PRSS55: variants seen among roughly 807,000 people sequenced by gnomAD.
The protein encoded by PRSS55 is probable serine protease UNQ9391/PRO34284.
In PRSS55, 41 loss-of-function variants were observed where a neutral mutation model predicts 23.6. The observed-to-expected ratio is 1.74, with a 90% CI of 1.35 to 2.26. The LOEUF (loss-of-function observed/expected upper bound fraction) is 2.26, where lower values mean the gene tolerates loss of function less well. Ranked by LOEUF, PRSS55 falls within the 30% of genes most tolerant of loss-of-function variation. The probability of loss-of-function intolerance (pLI) is 0.00; values close to 1 mark genes in which losing one functional copy is unlikely to be tolerated. For missense variants in PRSS55, 669 were observed against 439.1 expected (o/e 1.52, Z -4.68); for synonymous variants, 262 against 175.5 (o/e 1.49, Z -3.90).
At chr8:10,526,698 C>T (rs1025395441) in intron 1 of PRSS55, among the ~76,000 whole-genome samples, 3 of 152,210 alleles carry the variant, frequency 2.0e-5, no homozygotes, top group Admixed American at 6.5e-5. Context: ...GGATGGATCC[C>T]ATTGATGCAA....
chr8:10,538,401 T>A, intron 4 of PRSS55, 75 bp from the exon 5 acceptor site: 1 of 1,175,956 alleles, frequency 8.5e-7, no homozygotes, highest in Non-Finnish European at 1.2e-6. Context: ...GAATCTTCCA[T>A]GAATGAGCTG....
intron 4 of PRSS55, among the ~76,000 whole-genome samples, chr8:10,544,373 C>T (rs150049874): frequency 2.6e-3 from 388 of 151,514 alleles, no homozygotes; most frequent in Non-Finnish European, 4.0e-3. Context: ...CATAGTTTAT[C>T]TGTTTCTTTT....
intron 4 of PRSS55, among the ~76,000 whole-genome samples, chr8:10,546,509 C>A (rs4566993): frequency 6.6e-6 from 1 of 152,024 alleles, no homozygotes; most frequent in African/African-American, 2.4e-5. Flanking sequence ...ATCCAGCATC[C>A]GAAAACTGAC....
rs771753705 is a variant in PRSS55 at position 10,531,451 on chromosome 8, CGAT to C, written c.507_509del (p.Asp170del). 2 of 1,614,178 alleles carry C rather than the reference CGAT, an allele frequency of 1.2e-6. No homozygotes were observed. Among genetic ancestry groups the C allele is most frequent in the South Asian group, 2.2e-5 (2 of 91,092 alleles). On this transcript the variant is annotated inframe_deletion, in exon 3 of 5. Transcript: ENST00000328655. ...TGCTGCTGGCTTCGCCCATCAAGCTCGATGACCTGAAGGTGCCCATCTGCCTCC... is the reference window on the plus strand; with the variant it reads ...TGCTGCTGGCTTCGCCCATCAAGCTCGACCTGAAGGTGCCCATCTGCCTCC...
At chr8:10,540,480 G>A (rs1368356490), downstream of PRSS55, 2 of 152,284 alleles carry the variant, frequency 1.3e-5, no homozygotes, top group African/African-American at 2.4e-5. Flanking sequence ...GGGAGGCTGA[G>A]ATGGGTGGAT....
At chr8:10,528,578 G>C (rs1812121039) in intron 1 of PRSS55, among the ~76,000 whole-genome samples, 1 of 152,210 alleles carries the variant, frequency 6.6e-6, no homozygotes, top group Non-Finnish European at 1.5e-5. Flanking sequence ...TTTGCTCTCA[G>C]TCCCCTAAGT....
chr8:10,528,934 T>C (rs1408625334), intron 1 of PRSS55, among the ~76,000 whole-genome samples: 1 of 152,172 alleles, frequency 6.6e-6, no homozygotes, highest in Non-Finnish European at 1.5e-5. Flanking sequence ...TCCTCTGCAG[T>C]CACTTCTCCC....
At chr8:10,530,912 C>G (rs916997857) in intron 2 of PRSS55, among the ~76,000 whole-genome samples, 4 of 152,068 alleles carry the variant, frequency 2.6e-5, no homozygotes, top group African/African-American at 9.7e-5. Context: ...CCAGTTGATA[C>G]AAAACAGATA....
chr8:10,543,159 G>A (rs1221738447), downstream of PRSS55, among the ~76,000 whole-genome samples: 1 of 152,048 alleles, frequency 6.6e-6, no homozygotes, highest in African/African-American at 2.4e-5. Context: ...ATGGCCCTAA[G>A]AACCAAGCTT....
chr8:10,531,155 C>A lies in PRSS55; in HGVS notation c.348-140C>A, dbSNP rs944776071. ...TTTTCCTACCTTTTTCCAATCCTCA[C>A]ACCTTCTGATCAACAGCCCCAGTAG... On this transcript the variant is annotated intron_variant, in intron 2 of 4. Transcript: ENST00000328655. 5.8e-6 allele frequency: 6 copies of A among 1,032,782 alleles called. No individual in the cohort carries two copies. In the African/African-American group the frequency reaches 8.0e-5, roughly 14 times the overall value. 64.0% of individuals were successfully genotyped at this position (1,032,782 alleles called of 1,614,324 possible).
At chr8:10,526,487 T>A (rs1812028118) in intron 1 of PRSS55, among the ~76,000 whole-genome samples, 1 of 152,230 alleles carries the variant, frequency 6.6e-6, no homozygotes, top group Admixed American at 6.5e-5. Context: ...TCCACTGCAC[T>A]CTGTGTGAAC....
In PRSS55 at chr8:10,531,520, G is replaced by C; in HGVS notation, c.573G>C (p.Val191=). Residue 191 remains valine (V), a synonymous_variant, in exon 3 of 5, where the codon GTG becomes GTC. Transcript: ENST00000328655. ...PGPATWRECW[V]AGWGQTNAAD... Reference sequence around the variant, plus strand: ...CTGCCACATGGCGCGAATGCTGGGTGGCAGGTTGGGGCCAGACCAATGCTG... The same window carrying C: ...CTGCCACATGGCGCGAATGCTGGGTCGCAGGTTGGGGCCAGACCAATGCTG... The C allele has an allele frequency of 6.2e-7, 1 of 1,613,750 alleles. No homozygotes were observed. Among genetic ancestry groups the C allele is most frequent in the African/African-American group, 1.3e-5 (1 of 75,082 alleles).
At chr8:10,546,144 G>A (rs1362963369) in intron 4 of PRSS55, among the ~76,000 whole-genome samples, 1 of 152,128 alleles carries the variant, frequency 6.6e-6, no homozygotes, top group African/African-American at 2.4e-5. Context: ...CCAGAATGAA[G>A]CTGGCCATGG....
chr8:10,529,369 G>GTGAGA (rs757402455), intron 1 of PRSS55, 138 bp from the exon 2 acceptor site: 1 of 856,570 alleles, frequency 1.2e-6, no homozygotes, highest in South Asian at 1.4e-5. Flanking sequence ...CCGCTCGGCA[G>GTGAGA]CCTCAGTGAG....
At chr8:10,551,947 C>T (rs190221206) in intron 4 of PRSS55, among the ~76,000 whole-genome samples, 4 of 152,348 alleles carry the variant, frequency 2.6e-5, no homozygotes, top group Middle Eastern at 3.4e-3. Context: ...GGCAGTTAAA[C>T]GACAGAAACA....
chr8:10,531,408 A>G lies in PRSS55; in HGVS notation c.461A>G (p.Asp154Gly), dbSNP rs1812256631. The G allele has an allele frequency of 2.5e-6, 4 of 1,614,128 alleles. No individual in the cohort carries two copies. Among genetic ancestry groups the G allele is most frequent in the Admixed American group, 3.3e-5 (2 of 60,006 alleles). Residue 154 changes from aspartate to glycine, a missense_variant, in exon 3 of 5, where the codon GAC becomes GGC. Physicochemically the swap from Asp to Gly is moderately conservative, Grantham distance 94. Transcript: ENST00000328655. ...AAAGACTTTAAGAGAGCCAACATGG[A>G]CAATGACATTGCCTTGCTGCTGCTG... ...LHKDFKRANM[D>G]NDIALLLLAS...
At chr8:10,550,079 C>T (rs993574308) in intron 4 of PRSS55, among the ~76,000 whole-genome samples, 1 of 152,152 alleles carries the variant, frequency 6.6e-6, no homozygotes, top group South Asian at 2.1e-4. Context: ...CCACCATGCC[C>T]TGCTAATTTT....
intron 4 of PRSS55, among the ~76,000 whole-genome samples, chr8:10,534,483 C>T (rs1205005531): frequency 2.6e-5 from 4 of 152,172 alleles, no homozygotes; most frequent in Non-Finnish European, 5.9e-5. Context: ...TGTAGCTGCT[C>T]AGCTCCTTTG....
Position 10,531,362 on chromosome 8 carries a change from G to T in PRSS55, c.415G>T (p.Val139Phe), listed in dbSNP as rs771514024. ...LTSPSMEIKE[V>F]ASIILHKDFK... is the part of the protein sequence containing the mutation. Reference sequence around the variant, plus strand: ...TAGCCCATCCATGGAAATAAAGGAGGTCGCCAGCATCATTCTTCACAAAGA... The same window carrying T: ...TAGCCCATCCATGGAAATAAAGGAGTTCGCCAGCATCATTCTTCACAAAGA... Residue 139 changes from valine (V) to phenylalanine (F), a missense_variant, in exon 3 of 5, where the codon GTC becomes TTC. Val to Phe is a conservative substitution (Grantham distance 50, BLOSUM62 -1). Transcript: ENST00000328655. 2.3e-5 allele frequency: 37 copies of T among 1,614,050 alleles called. No homozygotes were observed. The highest frequency in any genetic ancestry group is 5.0e-5 in the Admixed American group (3 of 60,010).
Sources: gnomAD v4.1 joint callset for allele counts (sites outside exome capture counted in the v4.1 genomes callset) on GRCh38, gnomAD v4.1.1 for gene constraint, MANE v1.5 for transcripts, NCBI Gene and HGNC (gene_info 2026-07-23, HGNC 2026-07-21) for gene names.